RCC1L: variants seen among roughly 807,000 people sequenced by gnomAD.
RCC1L encodes the protein RCC1-like G exchanging factor-like protein.
RCC1L carries 46 observed loss-of-function variants against 58.6 expected under a neutral mutation model. The observed-to-expected ratio is 0.79, with a 90% confidence interval of 0.62 to 1.00. The LOEUF is 1.00. Among genes scored for constraint, RCC1L ranks in the 50% least tolerant of loss-of-function variants. RCC1L has a pLI of 0.00. For missense variants in RCC1L, 636 were observed against 623.6 expected, an observed-to-expected ratio of 1.02 and a Z score of -0.21; for synonymous variants, 281 against 262.9, an observed-to-expected ratio of 1.07 and a Z score of -0.67.
intron 5 of RCC1L, among the ~76,000 whole-genome samples, chr7:75,062,840 A>G (rs1806319464): frequency 6.6e-6 from 1 of 151,948 alleles, no homozygotes; most frequent in Non-Finnish European, 1.5e-5. Flanking sequence ...TCTGTCATCC[A>G]GGCTGGAGTG....
In RCC1L at chr7:75,058,716, C is replaced by T. The variant is rs1178871223; in HGVS notation, c.841G>A (p.Ala281Thr). 2 of 1,613,860 alleles carry T rather than the reference C, an allele frequency of 1.2e-6. No individual in the cohort carries two copies. Among genetic ancestry groups the T allele is most frequent in the Non-Finnish European group, 1.7e-6 (2 of 1,179,874 alleles). The change falls in exon 7 of 11, where the codon GCG becomes ACG. Residue 281 changes from alanine to threonine, a missense_variant. Physicochemically the swap from Ala to Thr is moderately conservative, Grantham distance 58 (BLOSUM62 0). Coordinates refer to ENST00000610322, the MANE Select transcript of RCC1L (RefSeq NM_030798.5). ...GCAACTTGGATAACGTTCACTCCCG[C>T]CAGGTCTCCACCCAGCTTGGTGGGC... Reference protein sequence around the residue: ...SSPTKLGGDLAGVNVIQVATY... With the variant: ...SSPTKLGGDLTGVNVIQVATY...
rs1806123216 is a variant in RCC1L at position 75,057,608 on chromosome 7, C to A, written c.978G>T (p.Val326=). 2 of 1,613,762 alleles carry A rather than the reference C, an allele frequency of 1.2e-6. No homozygotes were observed. Among genetic ancestry groups the A allele is most frequent in the East Asian group, 4.5e-5 (2 of 44,890 alleles). The change falls in exon 8 of 11, where the codon GTG becomes GTT. Residue 326 remains valine (V), a synonymous_variant. Transcript: ENST00000610322. ...CTCCTGAGAAGTGTAAGCAGCGGGG[C>A]ACATTCACCTGAACCAAAGAAAGGA... The part of the protein sequence containing the change: ...ASVTDSTQVN[V]PRCLHFSGVG...
At chr7:75,050,831 C>G (rs1030048155) in intron 10 of RCC1L, among the ~76,000 whole-genome samples, 49 of 152,114 alleles carry the variant, frequency 3.2e-4, no homozygotes, top group Non-Finnish European at 5.9e-4. Flanking sequence ...ATGGGTCATG[C>G]CTGTAATCCC....
chr7:75,029,573 A>C (rs1488806740), intron 10 of RCC1L, among the ~76,000 whole-genome samples: 2 of 151,834 alleles, frequency 1.3e-5, no homozygotes, highest in African/African-American at 4.8e-5. Flanking sequence ...TGAACTCCTG[A>C]CCTCAGGTGA....
intron 10 of RCC1L, among the ~76,000 whole-genome samples, chr7:75,050,412 G>A (rs1805867514): frequency 6.6e-6 from 1 of 152,372 alleles, no homozygotes; most frequent in South Asian, 2.1e-4. Flanking sequence ...CTCCCTGCCC[G>A]CACAGGGACC....
chr7:75,061,767 C>T (rs1806286269), intron 5 of RCC1L, among the ~76,000 whole-genome samples: 1 of 152,176 alleles, frequency 6.6e-6, no homozygotes, highest in Non-Finnish European at 1.5e-5. Context: ...GCACTGTGAT[C>T]TCTGGTCTCA....
intron 9 of RCC1L, among the ~76,000 whole-genome samples, chr7:75,053,581 T>C (rs982061525): frequency 1.3e-5 from 2 of 152,144 alleles, no homozygotes; most frequent in African/African-American, 4.8e-5. Context: ...ATGATTTTAA[T>C]ATATGTTTAC....
chr7:75,052,783 CA>C lies in RCC1L; in HGVS notation c.1244del (p.Leu415ArgfsTer26). The C allele has an allele frequency of 6.2e-7, 1 of 1,613,172 alleles. No homozygotes were observed. The highest frequency in any genetic ancestry group is 8.5e-7 in the Non-Finnish European group (1 of 1,179,690). ...CTCGGATGTTCTTGCCCCATACAAA[CA>C]GCTCTCCTTTGTCTGCAAAGGGAGG... ...HFAALTNKGE[L>X]FVWGKNIRGC... On this transcript the variant is annotated frameshift_variant, in exon 10 of 11. Coordinates refer to ENST00000610322, the MANE Select transcript of RCC1L (RefSeq NM_030798.5). LOFTEE classifies it high-confidence loss of function.
chr7:75,056,056 A>G lies in RCC1L; in HGVS notation c.1076T>C (p.Val359Ala). ...AVLNGEGHVF[V>A]WGYGILGKGP... The stretch of plus-strand genomic sequence containing the variant: ...TTTCCCAAGAATTCCATAGCCCCAG[A>G]CAAAAACATGTCCTTCTCCTACATT... The change falls in exon 9 of 11, where the codon GTC becomes GCC. Residue 359 changes from valine (V) to alanine (A), a missense_variant. Coordinates refer to ENST00000610322, the MANE Select transcript of RCC1L (RefSeq NM_030798.5). The G allele has an allele frequency of 6.2e-7, 1 of 1,613,986 alleles. No homozygotes were observed. Among genetic ancestry groups the G allele is most frequent in the Non-Finnish European group, 8.5e-7 (1 of 1,179,864 alleles).
At chr7:75,034,316 G>C (rs921269790) in intron 10 of RCC1L, among the ~76,000 whole-genome samples, 5 of 152,252 alleles carry the variant, frequency 3.3e-5, no homozygotes, top group Admixed American at 2.6e-4. Context: ...AGAGGTTCAA[G>C]ACCAGTCTGG....
At chr7:75,045,044 C>CT (rs1485061357) in intron 10 of RCC1L, among the ~76,000 whole-genome samples, 1 of 152,184 alleles carries the variant, frequency 6.6e-6, no homozygotes, top group South Asian at 2.1e-4. Context: ...GAGGCAGAGT[C>CT]TCACTTTGTT....
At chr7:75,033,292 G>C (rs1245202768) in intron 10 of RCC1L, among the ~76,000 whole-genome samples, 1 of 151,972 alleles carries the variant, frequency 6.6e-6, no homozygotes, top group African/African-American at 2.4e-5. Flanking sequence ...ACCAGCTGCC[G>C]GCCAATAGTA....
intron 9 of RCC1L, 77 bp downstream of exon 9, chr7:75,055,824 C>T (rs782543384): frequency 6.4e-7 from 1 of 1,560,042 alleles, no homozygotes; most frequent in South Asian, 1.1e-5. Flanking sequence ...CTGAGAGCTG[C>T]CCGCAGTTTG....
At chr7:75,051,355 C>CACACAT (rs1805908855) in intron 10 of RCC1L, among the ~76,000 whole-genome samples, 1,822 of 149,536 alleles carry the variant, frequency 0.012, 48 homozygotes, top group African/African-American at 0.035. Context: ...TACACACACA[C>CACACAT]ATATATATAC....
Position 75,066,717 on chromosome 7 carries a change from A to G in RCC1L, c.530T>C (p.Leu177Pro). Residue 177 changes from leucine to proline, a missense_variant, in exon 3 of 11, where the codon CTG (leucine) becomes CCG (proline). Physicochemically the swap from Leu to Pro is moderately conservative, Grantham distance 98 (BLOSUM62 -3). Coordinates refer to ENST00000610322, the MANE Select transcript of RCC1L (RefSeq NM_030798.5). ...PLDRPQETRV[L>P]QVSCGRAHSL... ...GTGAGCTCGGCCGCAGGAGACCTGCAGCACCCGTGTCTCCTGAGGTCTGTC... is the reference window on the plus strand; with the variant it reads ...GTGAGCTCGGCCGCAGGAGACCTGCGGCACCCGTGTCTCCTGAGGTCTGTC... 6.2e-7 allele frequency: 1 copy of G among 1,613,646 alleles called. No individual in the cohort carries two copies. The highest frequency in any genetic ancestry group is 1.3e-5 in the African/African-American group (1 of 75,052).
chr7:75,040,629 T>C (rs985376579), downstream of RCC1L, among the ~76,000 whole-genome samples: 6 of 152,024 alleles, frequency 3.9e-5, no homozygotes, highest in African/African-American at 1.2e-4. Flanking sequence ...GCACTTACCA[T>C]CTCTAGATCA....
intron 10 of RCC1L, among the ~76,000 whole-genome samples, chr7:75,043,634 C>G (rs1267955995): frequency 6.6e-6 from 1 of 152,092 alleles, no homozygotes; most frequent in Admixed American, 6.6e-5. Flanking sequence ...GAGGCCAAGG[C>G]AGGCGGATCA....
chr7:75,040,097 G>A (rs1805519398), downstream of RCC1L, among the ~76,000 whole-genome samples: 1 of 152,158 alleles, frequency 6.6e-6, no homozygotes, highest in African/African-American at 2.4e-5. Context: ...ACAGAGCCCA[G>A]CTGGAAGAAA....
intron 3 of RCC1L, among the ~76,000 whole-genome samples, chr7:75,066,239 C>T (rs1485495001): frequency 6.6e-6 from 1 of 152,052 alleles, no homozygotes; most frequent in Non-Finnish European, 1.5e-5. Flanking sequence ...ATCACGAGGT[C>T]AGGAGATTGA....
Sources: allele counts gnomAD v4.1 joint callset (sites outside exome capture counted in the v4.1 genomes callset), GRCh38; gene constraint gnomAD v4.1.1; transcripts MANE v1.5; gene names NCBI Gene and HGNC (gene_info 2026-07-23, HGNC 2026-07-21).